Variants in KCNH5 observed in about 807,000 individuals in gnomAD.
KCNH5 encodes voltage-gated delayed rectifier potassium channel KCNH5.
In KCNH5, 46 loss-of-function variants were observed where a neutral mutation model predicts 96.1. The observed-to-expected ratio is 0.48, with a 90% CI of 0.38 to 0.61. The LOEUF (loss-of-function observed/expected upper bound fraction) is 0.61, where lower values mean the gene tolerates loss of function less well. KCNH5 is among the 20% of genes least tolerant of loss of function. The pLI is 0.00. For synonymous variants in KCNH5, 439 were observed against 449.8 expected, an observed-to-expected ratio of 0.98 and a Z score of 0.30; for missense variants, 907 against 1,225.8, an observed-to-expected ratio of 0.74 and a Z score of 3.88.
intron 8 of KCNH5, among the ~76,000 whole-genome samples, chr14:62,830,765 AG>A (rs1887329972): frequency 1.3e-5 from 2 of 152,252 alleles, no homozygotes; most frequent in Admixed American, 1.3e-4. Context: ...GTGGCAGAAA[AG>A]GAAGAGTTAG....
intron 7 of KCNH5, among the ~76,000 whole-genome samples, chr14:62,902,062 G>A (rs78709676): frequency 0.021 from 3,129 of 151,792 alleles, 58 homozygotes; most frequent in East Asian, 0.082. Flanking sequence ...CATTTTAATG[G>A]GTTTTTTTTT....
At chr14:62,943,530 C>A (rs1235901648) in intron 7 of KCNH5, among the ~76,000 whole-genome samples, 1 of 152,012 alleles carries the variant, frequency 6.6e-6, no homozygotes, top group Non-Finnish European at 1.5e-5. Flanking sequence ...AAGTATTTAC[C>A]AAGCAAATTA....
intron 7 of KCNH5, among the ~76,000 whole-genome samples, chr14:62,886,691 G>A (rs533233149): frequency 1.3e-5 from 2 of 152,296 alleles, no homozygotes; most frequent in South Asian, 2.1e-4. Context: ...TATGGTTCCT[G>A]TCAACACGGG....
Position 62,812,477 on chromosome 14 carries a change from G to A in KCNH5, c.1570-9896C>T, listed in dbSNP as rs184852265. On this transcript the variant is annotated intron_variant, in intron 8 of 10. Transcript: ENST00000322893. ...ACAAGTTTTATTGTATACATGAAAAGGACCTGAGCCAGAGGTTAGCATTTG... is the reference window on the plus strand; with the variant it reads ...ACAAGTTTTATTGTATACATGAAAAAGACCTGAGCCAGAGGTTAGCATTTG... 1.7e-3 allele frequency among the ~76,000 whole-genome samples: 254 copies of A among 152,244 alleles called. 2 individuals carry two copies. Among genetic ancestry groups the A allele is most frequent in the African/African-American group, 6.0e-3 (249 of 41,578 alleles).
rs1448082634 is a variant in KCNH5 at position 62,706,951 on chromosome 14, T to C, written c.*557A>G. 1.3e-5 allele frequency: 2 copies of C among 152,206 alleles called. No individual in the cohort carries two copies. The highest frequency in any genetic ancestry group is 6.5e-5 in the Admixed American group (1 of 15,278). The allele number at this position is 152,206 out of a possible 1,614,324, so 9.4% of individuals were successfully genotyped here. ...GTTTTCAATATCCCACACTCTTATCTGACTTAGGCAACTAAACAGTCATTT... is the reference window on the plus strand; with the variant it reads ...GTTTTCAATATCCCACACTCTTATCCGACTTAGGCAACTAAACAGTCATTT... On this transcript the variant is annotated 3_prime_UTR_variant, in exon 11 of 11. Coordinates refer to ENST00000322893, the MANE Select transcript of KCNH5 (RefSeq NM_139318.5).
intron 7 of KCNH5, among the ~76,000 whole-genome samples, chr14:62,852,286 T>A (rs912874079): frequency 6.6e-6 from 1 of 152,220 alleles, no homozygotes; most frequent in Non-Finnish European, 1.5e-5. Context: ...CTTACTTGTA[T>A]TTTTGTACCC....
intron 7 of KCNH5, among the ~76,000 whole-genome samples, chr14:62,910,980 G>A (rs1889142007): frequency 6.7e-6 from 1 of 148,488 alleles, no homozygotes; most frequent in Non-Finnish European, 1.5e-5. Context: ...CTACTTTATT[G>A]TATCATAATG....
At chr14:63,038,355 A>C (rs1343235712) in intron 1 of KCNH5, among the ~76,000 whole-genome samples, 1 of 152,136 alleles carries the variant, frequency 6.6e-6, no homozygotes. Context: ...ATATACCAAA[A>C]TTTTCATGAC....
chr14:62,770,820 TC>T (rs1885969864), intron 10 of KCNH5, among the ~76,000 whole-genome samples: 1 of 152,220 alleles, frequency 6.6e-6, no homozygotes, highest in South Asian at 2.1e-4. Flanking sequence ...ATTTTCAAAG[TC>T]ATTTCTTCAT....
At chr14:63,003,031 T>G (rs1243126975) in intron 3 of KCNH5, among the ~76,000 whole-genome samples, 1 of 151,714 alleles carries the variant, frequency 6.6e-6, no homozygotes, top group African/African-American at 2.4e-5. Flanking sequence ...GGCAGAAGGG[T>G]CATAAACAAA....
At chr14:63,018,380 C>T (rs945794804) in intron 1 of KCNH5, among the ~76,000 whole-genome samples, 1 of 151,874 alleles carries the variant, frequency 6.6e-6, no homozygotes, top group Non-Finnish European at 1.5e-5. Context: ...TAATATACCT[C>T]AAATCCTTCT....
At chr14:62,725,199 T>G (rs1032016647) in intron 10 of KCNH5, among the ~76,000 whole-genome samples, 2 of 152,200 alleles carry the variant, frequency 1.3e-5, no homozygotes, top group Non-Finnish European at 2.9e-5. Context: ...ATACAATTTA[T>G]CCACGTAACT....
At chr14:62,754,623 A>G (rs1368751227) in intron 10 of KCNH5, among the ~76,000 whole-genome samples, 1 of 152,154 alleles carries the variant, frequency 6.6e-6, no homozygotes, top group African/African-American at 2.4e-5. Context: ...CTATAATCCT[A>G]GCACTTTGGG....
intron 7 of KCNH5, among the ~76,000 whole-genome samples, chr14:62,890,445 C>T (rs1888683643): frequency 6.6e-6 from 1 of 151,902 alleles, no homozygotes; most frequent in Non-Finnish European, 1.5e-5. Flanking sequence ...CCTGTAATCC[C>T]AGCACTTTGG....
chr14:62,747,209 C>A (rs1330239710), intron 10 of KCNH5, among the ~76,000 whole-genome samples: 1 of 152,196 alleles, frequency 6.6e-6, no homozygotes, highest in African/African-American at 2.4e-5. Flanking sequence ...GTGGTGCCCA[C>A]CTGTAATCCC....
At chr14:62,954,967 C>T (rs1049831622) in intron 6 of KCNH5, among the ~76,000 whole-genome samples, 1 of 152,032 alleles carries the variant, frequency 6.6e-6, no homozygotes, top group Non-Finnish European at 1.5e-5. Flanking sequence ...CCTCTCACAA[C>T]ACCTCGGAAT....
At chr14:62,861,150 C>G (rs1430424421) in intron 7 of KCNH5, among the ~76,000 whole-genome samples, 2 of 152,174 alleles carry the variant, frequency 1.3e-5, no homozygotes, top group Admixed American at 1.3e-4. Context: ...GGACAAGGGT[C>G]AACACCAACA....
At chr14:62,826,643 A>G (rs1279281253) in intron 8 of KCNH5, among the ~76,000 whole-genome samples, 3 of 151,844 alleles carry the variant, frequency 2.0e-5, no homozygotes, top group African/African-American at 7.2e-5. Flanking sequence ...ATTTCTTTTG[A>G]TATTTAAAAC....
chr14:62,914,114 A>G (rs1192649410), intron 7 of KCNH5, among the ~76,000 whole-genome samples: 1 of 152,242 alleles, frequency 6.6e-6, no homozygotes, highest in African/African-American at 2.4e-5. Context: ...AAAGATTATT[A>G]CAAAAATTAA....
Sources: gnomAD v4.1 joint callset for allele counts (sites outside exome capture counted in the v4.1 genomes callset) on GRCh38, gnomAD v4.1.1 for gene constraint, MANE v1.5 for transcripts, NCBI Gene and HGNC (gene_info 2026-07-23, HGNC 2026-07-21) for gene names.